GOLM2: variants seen among roughly 807,000 people sequenced by gnomAD.
The protein encoded by GOLM2 is protein GOLM2.
In GOLM2, 26 loss-of-function variants were observed where a neutral mutation model predicts 55.9. The observed-to-expected ratio is 0.47, with a 90% CI of 0.34 to 0.65. The LOEUF (loss-of-function observed/expected upper bound fraction) is 0.65. Among genes scored for constraint, GOLM2 ranks in the 30% least tolerant of loss-of-function variants. The probability of loss-of-function intolerance (pLI) is 0.01; values close to 1 mark genes in which losing one functional copy is unlikely to be tolerated. For synonymous variants in GOLM2, 165 were observed against 194.6 expected (o/e 0.85, Z 1.27); for missense variants, 486 against 531.8 (o/e 0.91, Z 0.85).
intron 4 of GOLM2, among the ~76,000 whole-genome samples, chr15:44,336,589 ACT>A (rs1567028768): frequency 1.3e-5 from 2 of 151,826 alleles, no homozygotes; most frequent in African/African-American, 2.4e-5. Flanking sequence ...TTGTCAGAGT[ACT>A]CTTTCTCCTT....
At chr15:44,295,030 C>T (rs1319397017) in intron 1 of GOLM2, among the ~76,000 whole-genome samples, 5 of 152,026 alleles carry the variant, frequency 3.3e-5, no homozygotes, top group Non-Finnish European at 5.9e-5. Context: ...CATTATTATG[C>T]CATTCTGTCA....
chr15:44,355,624 T>C, intron 6 of GOLM2: 2 of 214,180 alleles, frequency 9.3e-6, no homozygotes, highest in Admixed American at 5.3e-5. Flanking sequence ...AATTTCCTGG[T>C]ATGACAATTA....
intron 2 of GOLM2, among the ~76,000 whole-genome samples, chr15:44,327,408 A>G (rs1322606708): frequency 4.0e-5 from 6 of 151,884 alleles, no homozygotes; most frequent in South Asian, 2.1e-4. Context: ...GTATATATCT[A>G]TATCTCCCTT....
At chr15:44,359,075 G>C (rs1486548482) in intron 6 of GOLM2, among the ~76,000 whole-genome samples, 1 of 151,864 alleles carries the variant, frequency 6.6e-6, no homozygotes, top group East Asian at 1.9e-4. Context: ...GCGTGAACCA[G>C]GGAGGCGGAG....
chr15:44,352,644 G>A (rs780573111), intron 6 of GOLM2, among the ~76,000 whole-genome samples: 3 of 152,096 alleles, frequency 2.0e-5, no homozygotes, highest in Non-Finnish European at 4.4e-5. Flanking sequence ...AGGTGCAGTG[G>A]CTGACACCTT....
intron 6 of GOLM2, among the ~76,000 whole-genome samples, chr15:44,338,589 A>G (rs1595634488): frequency 6.6e-6 from 1 of 152,296 alleles, no homozygotes; most frequent in South Asian, 2.1e-4. Context: ...TGCTTATGAC[A>G]GTTGTACTAT....
chr15:44,370,285 T>C lies in GOLM2; in HGVS notation c.803-9405T>C, dbSNP rs369892230. On this transcript the variant is annotated intron_variant, in intron 6 of 9. Coordinates refer to ENST00000299957, the MANE Select transcript of GOLM2 (RefSeq NM_138423.4). The stretch of plus-strand genomic sequence containing the variant: ...ACTAACCATCACAGAGCCTGTTGAT[T>C]CTGTCAGGCTTGTTTATGCTTTGGT... 3.5e-4 allele frequency among the ~76,000 whole-genome samples: 53 copies of C among 152,328 alleles called. 1 individual carries two copies. The East Asian group carries it at 7.1e-3, about 21-fold the overall frequency.
At chr15:44,299,926 C>CG (rs2078785248) in intron 1 of GOLM2, among the ~76,000 whole-genome samples, 2 of 11,536 alleles carry the variant, frequency 1.7e-4, no homozygotes, top group Admixed American at 1.4e-3. Flanking sequence ...GGCAACATAG[C>CG]AAAAAAAAAA....
At chr15:44,369,054 A>G (rs1227250820) in intron 6 of GOLM2, among the ~76,000 whole-genome samples, 73 of 110,252 alleles carry the variant, frequency 6.6e-4, no homozygotes, top group African/African-American at 2.4e-3. Flanking sequence ...ATATATACAT[A>G]TAATAGGATA....
intron 8 of GOLM2, chr15:44,387,371 T>A (rs2079453598): frequency 6.6e-6 from 1 of 152,212 alleles, no homozygotes; most frequent in Non-Finnish European, 1.5e-5. Context: ...GCTGCCTTGG[T>A]TAAATTTATT....
intron 1 of GOLM2, among the ~76,000 whole-genome samples, chr15:44,310,422 T>C (rs1266458059): frequency 7.0e-6 from 1 of 143,168 alleles, no homozygotes; most frequent in Non-Finnish European, 1.5e-5. Context: ...TTGGGCAACA[T>C]AGTGAGAGTC....
intron 6 of GOLM2, among the ~76,000 whole-genome samples, chr15:44,343,427 C>T (rs1169989244): frequency 2.6e-5 from 4 of 151,620 alleles, no homozygotes; most frequent in African/African-American, 9.7e-5. Flanking sequence ...TCTTTTCTTC[C>T]TGAAGTAGAG....
At chr15:44,373,611 G>A (rs531972989) in intron 6 of GOLM2, among the ~76,000 whole-genome samples, 9 of 151,702 alleles carry the variant, frequency 5.9e-5, no homozygotes, top group African/African-American at 2.2e-4. Context: ...AAAATTAGCC[G>A]GGCGCGGTGG....
At chr15:44,370,051 G>A (rs2141184632) in intron 6 of GOLM2, among the ~76,000 whole-genome samples, 1 of 152,248 alleles carries the variant, frequency 6.6e-6, no homozygotes, top group Non-Finnish European at 1.5e-5. Context: ...GATGTAGGCT[G>A]TTAAGCTAGG....
At chr15:44,401,498 C>T (rs763232510) in intron 8 of GOLM2, among the ~76,000 whole-genome samples, 1 of 152,132 alleles carries the variant, frequency 6.6e-6, no homozygotes, top group African/African-American at 2.4e-5. Context: ...GCAGTCCTCC[C>T]ACCTTGGCCT....
At chr15:44,310,301 T>TA in intron 1 of GOLM2, among the ~76,000 whole-genome samples, 1 of 151,654 alleles carries the variant, frequency 6.6e-6, no homozygotes, top group Non-Finnish European at 1.5e-5. Context: ...GAAGAGCAAT[T>TA]AAAATCACCA....
intron 3 of GOLM2, 58 bp from the exon 4 acceptor site, chr15:44,331,930 C>T: frequency 8.1e-7 from 1 of 1,232,374 alleles, no homozygotes. Flanking sequence ...AACTTCTGGA[C>T]AACTTTGAGA....
chr15:44,361,778 A>T (rs1010219526), intron 6 of GOLM2, among the ~76,000 whole-genome samples: 1 of 152,214 alleles, frequency 6.6e-6, no homozygotes, highest in Admixed American at 6.5e-5. Flanking sequence ...CTTGCTGAAC[A>T]TCGATGCAAA....
At chr15:44,413,218 C>A in intron 9 of GOLM2, 118 bp from the exon 10 acceptor site, 1 of 657,234 alleles carries the variant, frequency 1.5e-6, no homozygotes, top group Non-Finnish European at 2.6e-6. Context: ...ACTATTTGTA[C>A]TAGGTGTAAA....
Sources: allele counts gnomAD v4.1 joint callset (sites outside exome capture counted in the v4.1 genomes callset), GRCh38; gene constraint gnomAD v4.1.1; transcripts MANE v1.5; gene names NCBI Gene and HGNC (gene_info 2026-07-23, HGNC 2026-07-21).